The following ARHGAP23 variants were observed in gnomAD, a reference collection of about 807,000 sequenced individuals.
The protein encoded by ARHGAP23 is rho GTPase-activating protein 23.
Under a neutral mutation model 136.3 loss-of-function variants are expected in ARHGAP23, and 34 were observed. The ratio of observed to expected loss-of-function variants is 0.25; its 90% CI spans 0.19 to 0.33. The LOEUF (loss-of-function observed/expected upper bound fraction) is 0.33. Ranked by LOEUF, ARHGAP23 falls within the 10% of genes least tolerant of loss-of-function variation. The probability of loss-of-function intolerance (pLI) is 1.00; values close to 1 mark genes in which losing one functional copy is unlikely to be tolerated. For synonymous variants in ARHGAP23, 832 were observed against 920.5 expected (o/e 0.90, Z 1.74); for missense variants, 1,808 against 2,139.0 (o/e 0.85, Z 3.05).
At chr17:38,490,021 C>G (rs938890224) in intron 17 of ARHGAP23, 81 bp from the exon 18 acceptor site, 38 of 1,382,292 alleles carry the variant, frequency 2.7e-5, no homozygotes, top group Non-Finnish European at 3.7e-5. Flanking sequence ...CAAAACACAG[C>G]CCTCCCAGCA....
At chr17:38,488,159 C>T (rs767807600) in intron 17 of ARHGAP23, among the ~76,000 whole-genome samples, 3 of 152,162 alleles carry the variant, frequency 2.0e-5, no homozygotes, top group Admixed American at 6.5e-5. Flanking sequence ...CATCGCGCCT[C>T]GGCCTTTCAA....
At chr17:38,461,080 G>A (rs1437449941) in intron 3 of ARHGAP23, 148 bp downstream of exon 3, 3 of 1,436,132 alleles carry the variant, frequency 2.1e-6, no homozygotes, top group Non-Finnish European at 2.8e-6. Context: ...TGTGCCCCTG[G>A]TCTGGCCCCC....
rs1428465225 is a variant in ARHGAP23, at chr17:38,511,917, G to A, written c.*945G>A. On this transcript the variant is annotated 3_prime_UTR_variant, in exon 24 of 24. Coordinates refer to ENST00000622683, the MANE Select transcript of ARHGAP23 (RefSeq NM_001199417.2). ...TCTGTCACTCACACACTGATTTATGGGGTCTGAGCTGGGCTGTTCCTGCAG... is the reference window on the plus strand; with the variant it reads ...TCTGTCACTCACACACTGATTTATGAGGTCTGAGCTGGGCTGTTCCTGCAG... 1 of 152,128 alleles carries A rather than the reference G, an allele frequency of 6.6e-6. No individual in the cohort carries two copies. Among genetic ancestry groups the A allele is most frequent in the African/African-American group, 2.4e-5 (1 of 41,396 alleles). The allele number at this position is 152,128 out of a possible 1,614,324, so 9.4% of individuals were successfully genotyped here. A position where few individuals can be genotyped will look rare whatever the true frequency, so the allele number is the denominator to read the frequency against.
At chr17:38,446,833 T>G (rs62073430) in intron 1 of ARHGAP23, among the ~76,000 whole-genome samples, 2 of 151,608 alleles carry the variant, frequency 1.3e-5, no homozygotes, top group African/African-American at 4.9e-5. Context: ...AGAGAGGGAG[T>G]CTTCCTCTGT....
chr17:38,461,904 C>T (rs1389715335), intron 3 of ARHGAP23, among the ~76,000 whole-genome samples: 1 of 152,140 alleles, frequency 6.6e-6, no homozygotes, highest in East Asian at 1.9e-4. Flanking sequence ...GAGAATCTGC[C>T]TCCCCCACTG....
chr17:38,419,548 G>C (rs2038498464), intron 1 of ARHGAP23: 1 of 151,674 alleles, frequency 6.6e-6, no homozygotes, highest in Non-Finnish European at 1.5e-5. Flanking sequence ...CGGGGGCTCT[G>C]GGGGAGGGAT....
In ARHGAP23 at chr17:38,509,944, G is replaced by A; in HGVS notation, c.3448G>A (p.Gly1150Ser). ...GCATCCTGACCTGTCTCCCACACAG[G>A]GTTCGTGGGCCCCCAAGAAGGAGCC... ...STTCSSAKSK[G>S]SWAPKKEPYA... The change falls in exon 24 of 24, where the codon GGT becomes AGT. Residue 1150 changes from glycine to serine, a missense_variant and splice_region_variant. Coordinates refer to ENST00000622683, the MANE Select transcript of ARHGAP23 (RefSeq NM_001199417.2). The A allele has an allele frequency of 1.6e-6, 2 of 1,249,456 alleles. No homozygotes were observed. The highest frequency in any genetic ancestry group is 4.2e-5 in the Admixed American group (1 of 23,732). The allele number at this position is 1,249,456 out of a possible 1,614,324, so 77.4% of individuals were successfully genotyped here. A position where few individuals can be genotyped will look rare whatever the true frequency, so the allele number is the denominator to read the frequency against.
At chr17:38,481,443 G>A (rs1230811856) in intron 14 of ARHGAP23, among the ~76,000 whole-genome samples, 2 of 151,928 alleles carry the variant, frequency 1.3e-5, no homozygotes, top group African/African-American at 4.8e-5. Flanking sequence ...CACCGCGCCC[G>A]GCCCACGCCC....
intron 23 of ARHGAP23, among the ~76,000 whole-genome samples, chr17:38,502,988 T>A (rs1024320882): frequency 6.6e-6 from 1 of 152,014 alleles, no homozygotes; most frequent in African/African-American, 2.4e-5. Context: ...GAGGCTGCAG[T>A]GATGAGCCGT....
intron 1 of ARHGAP23, among the ~76,000 whole-genome samples, chr17:38,448,604 G>GCC (rs2144558032): frequency 6.6e-6 from 1 of 150,378 alleles, no homozygotes; most frequent in African/African-American, 2.5e-5. Flanking sequence ...CCGTGTGTCA[G>GCC]CCCCTGAGCT....
rs145184951 is a variant in ARHGAP23, at chr17:38,463,109, T to C, written c.350-9T>C. On this transcript the variant is annotated splice_polypyrimidine_tract_variant and intron_variant, in intron 4 of 23. Transcript: ENST00000622683. ...CTTTGGTCACCACTCATGCGCTCCT[T>C]GTCCCCAGGAGACCGGCTGGTAAAG... The C allele has an allele frequency of 2.3e-4, 359 of 1,551,166 alleles. 1 individual carries two copies. In the African/African-American group the frequency reaches 4.5e-3, roughly 19 times the overall value.
chr17:38,508,881 A>T (rs2040691284), intron 23 of ARHGAP23, among the ~76,000 whole-genome samples: 1 of 152,016 alleles, frequency 6.6e-6, no homozygotes, highest in Non-Finnish European at 1.5e-5. Flanking sequence ...CAATGGGAAG[A>T]AGAGTCCCGG....
At chr17:38,419,731 G>A (rs963395036) in intron 1 of ARHGAP23, among the ~76,000 whole-genome samples, 2 of 152,114 alleles carry the variant, frequency 1.3e-5, no homozygotes, top group Non-Finnish European at 2.9e-5. Flanking sequence ...CTTGGTAAGG[G>A]TACAGCCCCT....
At chr17:38,443,668 G>A (rs540095467) in intron 1 of ARHGAP23, among the ~76,000 whole-genome samples, 1 of 151,996 alleles carries the variant, frequency 6.6e-6, no homozygotes, top group South Asian at 2.1e-4. Flanking sequence ...GGGGTAACCG[G>A]GAGGGATGGG....
At chr17:38,456,068 A>G (rs2039317505) in intron 1 of ARHGAP23, among the ~76,000 whole-genome samples, 2 of 152,166 alleles carry the variant, frequency 1.3e-5, no homozygotes, top group African/African-American at 4.8e-5. Flanking sequence ...TAGGAGTAGA[A>G]CAGTCTAGAA....
In ARHGAP23 at chr17:38,502,473, C is replaced by T. The variant is rs144878884; in HGVS notation, c.3447+1845C>T. Among the ~76,000 whole-genome samples, 1,079 of 152,270 alleles carry T rather than the reference C, an allele frequency of 7.1e-3. 13 individuals carry two copies. The highest frequency in any genetic ancestry group is 0.025 in the African/African-American group (1,035 of 41,548). ...ACGTCTACTTTATATCAGTACTGTG[C>T]TGGGTACTGAAAATATAAATAATGA... On this transcript the variant is annotated intron_variant, in intron 23 of 23. Transcript: ENST00000622683.
chr17:38,449,145 C>T (rs1352815022), intron 1 of ARHGAP23, among the ~76,000 whole-genome samples: 1 of 152,146 alleles, frequency 6.6e-6, no homozygotes, highest in African/African-American at 2.4e-5. Context: ...GTGCATTTGG[C>T]ATTATCTCAG....
intron 19 of ARHGAP23, among the ~76,000 whole-genome samples, chr17:38,490,958 G>A (rs1023183607): frequency 6.6e-6 from 1 of 152,190 alleles, no homozygotes; most frequent in South Asian, 2.1e-4. Context: ...TCACTCTGCC[G>A]CTCAGGCTGC....
At chr17:38,469,667 G>A (rs746284200) in intron 9 of ARHGAP23, 32 bp downstream of exon 9, 47 of 1,543,328 alleles carry the variant, frequency 3.0e-5, no homozygotes, top group Non-Finnish European at 3.9e-5. Flanking sequence ...GGGTGGGGTG[G>A]CCACAGCCAC....
Sources: gnomAD v4.1 joint callset for allele counts (sites outside exome capture counted in the v4.1 genomes callset) on GRCh38, gnomAD v4.1.1 for gene constraint, MANE v1.5 for transcripts, NCBI Gene and HGNC (gene_info 2026-07-23, HGNC 2026-07-21) for gene names.